The following ANKRD36C variants were observed in gnomAD, a reference collection of about 807,000 sequenced individuals.
ANKRD36C encodes ankyrin repeat domain-containing protein 36C.
Under a neutral mutation model 276.4 loss-of-function variants are expected in ANKRD36C, and 61 were observed. The ratio of observed to expected loss-of-function variants is 0.22; its 90% CI spans 0.18 to 0.27. The LOEUF (loss-of-function observed/expected upper bound fraction) is 0.27, where lower values mean the gene tolerates loss of function less well. Ranked by LOEUF, ANKRD36C falls within the 10% of genes least tolerant of loss-of-function variation. ANKRD36C has a pLI of 1.00. For synonymous variants in ANKRD36C, 483 were observed against 680.1 expected, an observed-to-expected ratio of 0.71 and a Z score of 4.51; for missense variants, 1,447 against 2,032.3, an observed-to-expected ratio of 0.71 and a Z score of 5.54.
At position 95,892,938 on chromosome 2, in the gene ANKRD36C, C is replaced by T. The variant is rs372006927; in HGVS notation, c.2756-1078G>A. On this transcript the variant is annotated intron_variant, in intron 44 of 66. Transcript: ENST00000456556. ...TTCTAGGATTGTTTCCTTCTTCCAG[C>T]AGTTCCTGCAGCAGCCAAAATCAAG... Among the ~76,000 whole-genome samples the T allele has an allele frequency of 6.2e-3, 938 of 151,068 alleles. 7 individuals carry two copies. Among genetic ancestry groups the T allele is most frequent in the Non-Finnish European group, 0.011 (731 of 67,448 alleles).
chr2:95,936,117 C>T (rs918765839), intron 22 of ANKRD36C, among the ~76,000 whole-genome samples: 1 of 152,308 alleles, frequency 6.6e-6, no homozygotes, highest in Non-Finnish European at 1.5e-5. Flanking sequence ...AACTTTAGCC[C>T]TCCTGCCATC....
intron 61 of ANKRD36C, among the ~76,000 whole-genome samples, chr2:95,859,456 CAG>C (rs1675510695): frequency 6.6e-6 from 1 of 152,080 alleles, no homozygotes; most frequent in Non-Finnish European, 1.5e-5. Flanking sequence ...AGATCTAAAA[CAG>C]ATCTAAAAAA....
intron 60 of ANKRD36C, among the ~76,000 whole-genome samples, chr2:95,865,114 A>C (rs1675659688): frequency 6.6e-6 from 1 of 152,080 alleles, no homozygotes; most frequent in African/African-American, 2.4e-5. Context: ...TATCATTTAC[A>C]ACTTCATCAA....
intron 14 of ANKRD36C, among the ~76,000 whole-genome samples, chr2:95,953,291 C>A (rs2438938): frequency 1.7e-4 from 26 of 152,120 alleles, no homozygotes; most frequent in Admixed American, 5.9e-4. Flanking sequence ...TGGTCTTAAA[C>A]TCCTGGGCTC....
At chr2:95,928,727 T>C (rs1264394806) in intron 26 of ANKRD36C, among the ~76,000 whole-genome samples, 2 of 151,452 alleles carry the variant, frequency 1.3e-5, no homozygotes, top group African/African-American at 4.8e-5. Flanking sequence ...ATATGATGCC[T>C]ATAATATCTA....
rs1385222919 is a variant in ANKRD36C, at chr2:95,978,162, T to G, written c.759A>C (p.Glu253Asp). 4.7e-6 allele frequency: 6 copies of G among 1,268,832 alleles called. No individual in the cohort carries two copies. In the African/African-American group the frequency reaches 9.1e-5, roughly 19 times the overall value. The allele number at this position is 1,268,832 out of a possible 1,614,324, so 78.6% of individuals were successfully genotyped here. Residue 253 changes from glutamate (E) to aspartate (D), a missense_variant, in exon 6 of 67, where the codon GAA becomes GAC. Glu to Asp is a conservative substitution (Grantham distance 45, BLOSUM62 2). Around this residue, in one of 13 missense-constraint regions of ANKRD36C, gnomAD observed 158 missense variants for 218.0 expected, o/e 0.72. Coordinates refer to ENST00000456556, the Ensembl canonical transcript of ANKRD36C. ...TAGAAAGCTCTTCATGTTTCTTTCTTTCATATTCATAAATTAGTTCAAAAA... is the reference window on the plus strand; with the variant it reads ...TAGAAAGCTCTTCATGTTTCTTTCTGTCATATTCATAAATTAGTTCAAAAA...
chr2:95,879,638 GAA>G (rs1172075275), intron 58 of ANKRD36C, among the ~76,000 whole-genome samples: 2 of 152,118 alleles, frequency 1.3e-5, no homozygotes, highest in African/African-American at 4.8e-5. Context: ...GTGCTAATCA[GAA>G]CATCTGATTG....
At chr2:95,851,832 T>G (rs1384755748) in intron 65 of ANKRD36C, 45 bp from the exon 86 acceptor site, 2 of 1,500,912 alleles carry the variant, frequency 1.3e-6, no homozygotes, top group East Asian at 4.9e-5. Flanking sequence ...CATAATTGTT[T>G]TTAAATCATG....
chr2:95,944,643 T>C (rs1350143868), exon 19 of ANKRD36C: 6 of 1,536,926 alleles, frequency 3.9e-6, no homozygotes, highest in Non-Finnish European at 5.2e-6. Context: ...AACATTTTGG[T>C]CTTCAAACAA....
rs1303877468 is a variant in ANKRD36C, at chr2:95,890,096, T to A, written c.2858-102A>T. The A allele has an allele frequency of 1.2e-5, 17 of 1,442,098 alleles. No individual in the cohort carries two copies. The Admixed American group carries it at 2.5e-4, about 21-fold the overall frequency. The allele number at this position is 1,442,098 out of a possible 1,614,324, so 89.3% of individuals were successfully genotyped here. On this transcript the variant is annotated intron_variant, in intron 46 of 66. Coordinates refer to ENST00000456556, the Ensembl canonical transcript of ANKRD36C. ...ATCAATCTCTGTCCTCCTGCCTGTA[T>A]TAGTGTAGGCTTTGATGGCTTCTAT... is the stretch of plus-strand genomic sequence containing the variant.
intron 59 of ANKRD36C, among the ~76,000 whole-genome samples, chr2:95,872,859 C>G (rs1675848144): frequency 6.6e-6 from 1 of 152,124 alleles, no homozygotes; most frequent in South Asian, 2.1e-4. Flanking sequence ...CACAGAAATA[C>G]AAACTACCAT....
chr2:95,852,110 C>T lies in ANKRD36C; in HGVS notation c.5219+16G>A, dbSNP rs138269643. On this transcript the variant is annotated intron_variant, in intron 65 of 66. Transcript: ENST00000456556. ...ATAAATACTCAAGTTATTTTGTGTG[C>T]TGCTTCAAATTTTACTTTTGTGCGT... 4.1e-3 allele frequency: 6,537 copies of T among 1,602,084 alleles called. 234 individuals carry two copies. In the African/African-American group the frequency reaches 0.077, roughly 19 times the overall value.
intron 5 of ANKRD36C, among the ~76,000 whole-genome samples, chr2:95,978,664 A>C (rs1450099569): frequency 6.6e-6 from 1 of 152,040 alleles, no homozygotes; most frequent in Non-Finnish European, 1.5e-5. Flanking sequence ...TTGAAATCCC[A>C]AATCAAACCC....
At chr2:95,851,597 T>C in intron 66 of ANKRD36C, 97 bp downstream of exon 86, 1 of 1,067,660 alleles carries the variant, frequency 9.4e-7, no homozygotes, top group Non-Finnish European at 1.4e-6. Context: ...AAAATCTACT[T>C]TTGGCCCCAA....
chr2:95,854,195 G>C (rs1238371211), intron 63 of ANKRD36C, among the ~76,000 whole-genome samples: 1 of 151,862 alleles, frequency 6.6e-6, no homozygotes, highest in African/African-American at 2.4e-5. Context: ...ATTATACATT[G>C]TGGAATGATT....
chr2:95,889,954 G>A lies in ANKRD36C; in HGVS notation c.2886+12C>T, dbSNP rs1208211854. ...AGTTAATAGTTCAAAATATAAATGA[G>A]AGTTTAATTACCTTCAAGGCTGGTT... is the stretch of plus-strand genomic sequence containing the variant. On this transcript the variant is annotated intron_variant, in intron 47 of 66. Coordinates refer to ENST00000456556, the Ensembl canonical transcript of ANKRD36C. 2 of 1,609,870 alleles carry A rather than the reference G, an allele frequency of 1.2e-6. No homozygotes were observed. The highest frequency in any genetic ancestry group is 3.4e-5 in the Admixed American group (2 of 59,672).
At chr2:95,889,973 G>T in exon 47 of ANKRD36C, 2 of 1,609,770 alleles carry the variant, frequency 1.2e-6, no homozygotes, top group Admixed American at 1.7e-5. Flanking sequence ...TACCTTCAAG[G>T]CTGGTTGTTT....
intron 44 of ANKRD36C, among the ~76,000 whole-genome samples, chr2:95,895,830 C>T (rs865966120): frequency 4.6e-5 from 7 of 150,820 alleles, no homozygotes; most frequent in Non-Finnish European, 7.4e-5. Flanking sequence ...TGTGTCGAAA[C>T]CCAAAATAAA....
intron 35 of ANKRD36C, 36 bp from the exon 38 acceptor site, chr2:95,917,963 A>C (rs764689229): frequency 7.5e-6 from 12 of 1,598,354 alleles, no homozygotes; most frequent in Non-Finnish European, 9.4e-6. Context: ...TAAATAAATA[A>C]ATCAATGAAG....
Sources: gnomAD v4.1 joint callset for allele counts (sites outside exome capture counted in the v4.1 genomes callset) on GRCh38, gnomAD v4.1.1 for gene constraint, gnomAD v4.1.1 regional missense constraint, MANE v1.5 for transcripts, NCBI Gene and HGNC (gene_info 2026-07-23, HGNC 2026-07-21) for gene names.